The following ADARB2 variants were observed in gnomAD, a reference collection of about 807,000 sequenced individuals.
ADARB2 encodes the protein inactive double-stranded RNA-specific editase B2.
ADARB2 carries 25 observed loss-of-function variants against 62.2 expected under a neutral mutation model. The observed-to-expected ratio is 0.40, with a 90% confidence interval of 0.29 to 0.56. The LOEUF (loss-of-function observed/expected upper bound fraction) is 0.56. Ranked by LOEUF, ADARB2 falls within the 20% of genes least tolerant of loss-of-function variation. The probability of loss-of-function intolerance (pLI) is 0.43; values close to 1 mark genes in which losing one functional copy is unlikely to be tolerated. For synonymous variants in ADARB2, 572 were observed against 500.8 expected (o/e 1.14, Z -1.90); for missense variants, 1,071 against 1,077.4 (o/e 0.99, Z 0.08).
intron 1 of ADARB2, among the ~76,000 whole-genome samples, chr10:1,542,981 G>A (rs113510452): frequency 9.2e-5 from 14 of 151,550 alleles, no homozygotes; most frequent in African/African-American, 2.2e-4. Context: ...ACAGCTGTCC[G>A]TCCGCCCGAG....
chr10:1,478,139 C>A (rs1362921563), intron 1 of ADARB2, among the ~76,000 whole-genome samples: 2 of 152,240 alleles, frequency 1.3e-5, no homozygotes, highest in African/African-American at 2.4e-5. Flanking sequence ...GTCATGGGAG[C>A]TCTGCTGGGC....
At chr10:1,617,626 G>A (rs7897772) in intron 1 of ADARB2, among the ~76,000 whole-genome samples, 1 of 143,144 alleles carries the variant, frequency 7.0e-6, no homozygotes, top group Non-Finnish European at 1.5e-5. Context: ...GGGAACTGGC[G>A]TCAGAGGGCT....
At chr10:1,269,577 A>G (rs1051448178) in intron 4 of ADARB2, among the ~76,000 whole-genome samples, 16 of 152,376 alleles carry the variant, frequency 1.1e-4, no homozygotes, top group African/African-American at 3.8e-4. Flanking sequence ...GTGAGAGAAC[A>G]GAGTCCCAGC....
intron 1 of ADARB2, among the ~76,000 whole-genome samples, chr10:1,428,854 T>TACACACACGGACACACAC (rs1163645148): frequency 6.7e-6 from 1 of 149,272 alleles, no homozygotes; most frequent in African/African-American, 2.5e-5. Context: ...CACACACACA[T>TACACACACGGACACACAC]ACACACACGG....
chr10:1,298,334 G>C (rs1195746083), intron 3 of ADARB2, among the ~76,000 whole-genome samples: 1 of 152,202 alleles, frequency 6.6e-6, no homozygotes, highest in Non-Finnish European at 1.5e-5. Context: ...TGCCAAGGAA[G>C]GTTTTTTGGA....
At chr10:1,520,256 C>A (rs1474610386) in intron 1 of ADARB2, among the ~76,000 whole-genome samples, 1 of 152,038 alleles carries the variant, frequency 6.6e-6, no homozygotes, top group Non-Finnish European at 1.5e-5. Context: ...ATCATATGAC[C>A]CTGTTTTTGT....
intron 3 of ADARB2, among the ~76,000 whole-genome samples, chr10:1,275,969 G>A (rs1011646059): frequency 1.3e-5 from 2 of 152,072 alleles, no homozygotes; most frequent in South Asian, 2.1e-4. Flanking sequence ...ATAAACATAC[G>A]TGTGCATGTG....
intron 1 of ADARB2, among the ~76,000 whole-genome samples, chr10:1,545,302 A>G (rs1832502525): frequency 6.6e-6 from 1 of 152,214 alleles, no homozygotes; most frequent in Non-Finnish European, 1.5e-5. Flanking sequence ...TACATCTTGC[A>G]CTTTTCTTCC....
chr10:1,420,788 C>T (rs1382541355), intron 1 of ADARB2, among the ~76,000 whole-genome samples: 1 of 152,156 alleles, frequency 6.6e-6, no homozygotes, highest in African/African-American at 2.4e-5. Flanking sequence ...TTGATTAACG[C>T]CCGCCCAGGG....
intron 4 of ADARB2, among the ~76,000 whole-genome samples, chr10:1,262,407 C>T (rs970384043): frequency 6.6e-6 from 1 of 151,578 alleles, no homozygotes; most frequent in African/African-American, 2.4e-5. Flanking sequence ...GGCTAATATC[C>T]AGAATCTACA....
intron 1 of ADARB2, among the ~76,000 whole-genome samples, chr10:1,711,118 C>G (rs1027828458): frequency 6.6e-6 from 1 of 152,200 alleles, no homozygotes; most frequent in African/African-American, 2.4e-5. Context: ...ACACGGGTAC[C>G]TAACCTCAGC....
At chr10:1,590,857 C>A (rs552173450) in intron 1 of ADARB2, among the ~76,000 whole-genome samples, 1 of 152,066 alleles carries the variant, frequency 6.6e-6, no homozygotes, top group Non-Finnish European at 1.5e-5. Context: ...AGTAACCGTG[C>A]GTCGTCTGCT....
At chr10:1,658,142 CTCTG>C (rs767912562) in intron 1 of ADARB2, among the ~76,000 whole-genome samples, 33 of 150,384 alleles carry the variant, frequency 2.2e-4, no homozygotes, top group South Asian at 1.5e-3. Context: ...CTCTCTCTCT[CTCTG>C]TATCTTATTC....
chr10:1,388,894 T>C (rs1832546286), intron 1 of ADARB2, among the ~76,000 whole-genome samples: 1 of 152,078 alleles, frequency 6.6e-6, no homozygotes. Context: ...CCCAGAATAG[T>C]CGAAACAATA....
chr10:1,211,487 C>T (rs1038760276), intron 7 of ADARB2, among the ~76,000 whole-genome samples: 7 of 152,218 alleles, frequency 4.6e-5, no homozygotes, highest in African/African-American at 1.7e-4. Flanking sequence ...AGGTCCCCAC[C>T]TGCCAGAAGC....
At chr10:1,338,691 C>G (rs1212309546) in intron 3 of ADARB2, among the ~76,000 whole-genome samples, 1 of 152,198 alleles carries the variant, frequency 6.6e-6, no homozygotes, top group African/African-American at 2.4e-5. Context: ...CAGCTCACAG[C>G]CCCAGCCTTA....
At chr10:1,332,155 A>C (rs764047849) in intron 3 of ADARB2, among the ~76,000 whole-genome samples, 1 of 152,228 alleles carries the variant, frequency 6.6e-6, no homozygotes, top group Non-Finnish European at 1.5e-5. Flanking sequence ...TGTAATCCCA[A>C]CACTTTGAGA....
intron 1 of ADARB2, among the ~76,000 whole-genome samples, chr10:1,711,515 T>C (rs901077763): frequency 5.3e-5 from 8 of 152,314 alleles, no homozygotes; most frequent in African/African-American, 9.6e-5. Flanking sequence ...CATAGTCTCA[T>C]AGAGGATTCC....
intron 1 of ADARB2, among the ~76,000 whole-genome samples, chr10:1,518,785 G>A (rs60440115): frequency 0.02 from 3,040 of 151,770 alleles, 100 homozygotes; most frequent in African/African-American, 0.069. Flanking sequence ...GTGGTCATAC[G>A]CCTATATTCC....
Sources: allele counts gnomAD v4.1 joint callset (sites outside exome capture counted in the v4.1 genomes callset), GRCh38; gene constraint gnomAD v4.1.1; transcripts MANE v1.5; gene names NCBI Gene and HGNC (gene_info 2026-07-23, HGNC 2026-07-21).